The following TIGAR variants were observed in gnomAD, a reference collection of about 807,000 sequenced individuals.
The protein encoded by TIGAR is TP53 induced glycolysis regulatory phosphatase, also known as fructose-2,6-bisphosphatase TIGAR.
Under a neutral mutation model 17.9 loss-of-function variants are expected in TIGAR, and 7 were observed. The observed-to-expected ratio is 0.39, with a 90% CI of 0.22 to 0.73. The LOEUF is 0.73. Among genes scored for constraint, TIGAR ranks in the 30% least tolerant of loss-of-function variants. The pLI is 0.42. For missense variants in TIGAR, 258 were observed against 327.4 expected, an observed-to-expected ratio of 0.79 and a Z score of 1.64; for synonymous variants, 94 against 108.6, an observed-to-expected ratio of 0.87 and a Z score of 0.84.
chr12:4,333,449 C>T (rs1172581038), intron 2 of TIGAR, among the ~76,000 whole-genome samples: 1 of 151,602 alleles, frequency 6.6e-6, no homozygotes, highest in Non-Finnish European at 1.5e-5. Context: ...GGCACCACAC[C>T]TGGCTCATTT....
chr12:4,358,579 A>G lies in TIGAR; in HGVS notation c.*5888A>G, dbSNP rs1864938696. On this transcript the variant is annotated 3_prime_UTR_variant, in exon 6 of 6. Transcript: ENST00000179259. ...TCATACTCTTCCCCTATAAAATTTC[A>G]ATGTGTGTTTCCTGAGATCAACAAT... 6.6e-6 allele frequency among the ~76,000 whole-genome samples: 1 copy of G among 152,122 alleles called. No homozygotes were observed. Among genetic ancestry groups the G allele is most frequent in the African/African-American group, 2.4e-5 (1 of 41,398 alleles).
chr12:4,351,703 A>G (rs1864839861), intron 5 of TIGAR, among the ~76,000 whole-genome samples: 1 of 152,210 alleles, frequency 6.6e-6, no homozygotes, highest in Admixed American at 6.5e-5. Context: ...AACTCAAAAC[A>G]TGAAGTCTTC....
At chr12:4,331,201 A>T in intron 1 of TIGAR, 79 bp from the exon 2 acceptor site, 1 of 1,263,622 alleles carries the variant, frequency 7.9e-7, no homozygotes, top group Non-Finnish European at 1.2e-6. Context: ...GTATCACCAC[A>T]CTTGATTGCT....
Position 4,348,527 on chromosome 12 carries a change from A to T in TIGAR, c.193-1292A>T, listed in dbSNP as rs192800586. Among the ~76,000 whole-genome samples, 1,051 of 152,296 alleles carry T rather than the reference A, an allele frequency of 6.9e-3. 3 individuals carry two copies. Among genetic ancestry groups the T allele is most frequent in the Middle Eastern group, 0.014 (4 of 294 alleles). On this transcript the variant is annotated intron_variant, in intron 3 of 5. Coordinates refer to ENST00000179259, the MANE Select transcript of TIGAR (RefSeq NM_020375.3). ...AACCTAGAGTTTTATACCCAGCAAG[A>T]TTTTTTTCTGCTGTGTAGGTGAAAT...
At position 4,355,328 on chromosome 12, in the gene TIGAR, TCA is replaced by T. The variant is rs1432294132; in HGVS notation, c.*2641_*2642del. On this transcript the variant is annotated 3_prime_UTR_variant, in exon 6 of 6. Coordinates refer to ENST00000179259, the MANE Select transcript of TIGAR (RefSeq NM_020375.3). Reference sequence around the variant, plus strand: ...GGTTTGTGGTGTGTGCTCTCAGGCCTCACACCCCCTCATTTGCTAGAGTCTGT... The same window carrying T: ...GGTTTGTGGTGTGTGCTCTCAGGCCTCACCCCCTCATTTGCTAGAGTCTGT... Among the ~76,000 whole-genome samples, 1 of 152,194 alleles carries T rather than the reference TCA, an allele frequency of 6.6e-6. No individual in the cohort carries two copies. Among genetic ancestry groups the T allele is most frequent in the African/African-American group, 2.4e-5 (1 of 41,438 alleles).
At chr12:4,349,975 A>G in intron 4 of TIGAR, 79 bp downstream of exon 4, 1 of 974,972 alleles carries the variant, frequency 1.0e-6, no homozygotes, top group Non-Finnish European at 1.5e-6. Flanking sequence ...GCTAAAAGTT[A>G]AATGCATTTC....
chr12:4,329,429 C>T (rs1864581358), intron 1 of TIGAR, among the ~76,000 whole-genome samples: 1 of 148,022 alleles, frequency 6.8e-6, no homozygotes, highest in African/African-American at 2.5e-5. Context: ...ACCTCTGCCT[C>T]CCGGGTTTAA....
At chr12:4,341,300 G>A (rs377476147) in intron 3 of TIGAR, among the ~76,000 whole-genome samples, 5 of 152,238 alleles carry the variant, frequency 3.3e-5, no homozygotes, top group African/African-American at 4.8e-5. Flanking sequence ...CAAGATGGCC[G>A]ATTAGGAACA....
At chr12:4,332,537 C>T (rs554830816) in intron 2 of TIGAR, among the ~76,000 whole-genome samples, 2 of 152,308 alleles carry the variant, frequency 1.3e-5, no homozygotes, top group East Asian at 3.9e-4. Context: ...AGCCGCCGCA[C>T]GCGGCCTCAA....
In TIGAR at chr12:4,357,578, T is replaced by C. The variant is rs1025569105; in HGVS notation, c.*4887T>C. 6.6e-6 allele frequency among the ~76,000 whole-genome samples: 1 copy of C among 152,216 alleles called. No homozygotes were observed. Among genetic ancestry groups the C allele is most frequent in the Admixed American group, 6.5e-5 (1 of 15,280 alleles). ...ATTGAAGTATGTGTCAGTTCCTTTG[T>C]GTCCAAACAAGATGGCTAAGTAGGT... On this transcript the variant is annotated 3_prime_UTR_variant, in exon 6 of 6. Transcript: ENST00000179259.
rs546160632 is a variant in TIGAR, at chr12:4,327,424, A to G, written c.33-3856A>G. Among the ~76,000 whole-genome samples, 42 of 152,108 alleles carry G rather than the reference A, an allele frequency of 2.8e-4. No individual in the cohort carries two copies. In the South Asian group the frequency reaches 6.2e-3, roughly 23 times the overall value. ...ACCCCATCTCAGAAAAAAAAAAAAA[A>G]AAAGAAAGAAAGGATGTGACATATA... On this transcript the variant is annotated intron_variant, in intron 1 of 5. Coordinates refer to ENST00000179259, the MANE Select transcript of TIGAR (RefSeq NM_020375.3).
At chr12:4,344,736 A>G (rs943645452) in intron 3 of TIGAR, among the ~76,000 whole-genome samples, 4 of 152,204 alleles carry the variant, frequency 2.6e-5, no homozygotes, top group South Asian at 2.1e-4. Context: ...CACCACTCCT[A>G]TTCAACATAG....
chr12:4,329,633 G>A (rs1565446076), intron 1 of TIGAR, among the ~76,000 whole-genome samples: 1 of 152,048 alleles, frequency 6.6e-6, no homozygotes, highest in Non-Finnish European at 1.5e-5. Context: ...CACCACGTCT[G>A]GCCACAAATA....
chr12:4,331,725 T>A (rs147079767), intron 2 of TIGAR, among the ~76,000 whole-genome samples: 1 of 152,322 alleles, frequency 6.6e-6, no homozygotes, highest in East Asian at 1.9e-4. Flanking sequence ...GTAATAAAGG[T>A]TTAAAAAAAG....
chr12:4,333,159 T>G (rs1864621535), intron 2 of TIGAR, among the ~76,000 whole-genome samples: 1 of 152,214 alleles, frequency 6.6e-6, no homozygotes, highest in Admixed American at 6.5e-5. Flanking sequence ...TTGAGCTGTT[T>G]TGGGGATGGA....
intron 1 of TIGAR, among the ~76,000 whole-genome samples, chr12:4,326,375 T>C (rs879584722): frequency 2.6e-5 from 4 of 152,244 alleles, no homozygotes; most frequent in African/African-American, 4.8e-5. Context: ...AACGTACTAA[T>C]TAAACAGTTA....
intron 3 of TIGAR, among the ~76,000 whole-genome samples, chr12:4,347,673 C>T (rs1864795726): frequency 6.6e-6 from 1 of 152,026 alleles, no homozygotes; most frequent in Admixed American, 6.6e-5. Context: ...TAAATATATA[C>T]ATTTACTGTA....
chr12:4,356,502 G>C lies in TIGAR; in HGVS notation c.*3811G>C, dbSNP rs1314333499. On this transcript the variant is annotated 3_prime_UTR_variant, in exon 6 of 6. Coordinates refer to ENST00000179259, the MANE Select transcript of TIGAR (RefSeq NM_020375.3). ...CCATCTATCCCCTGCCCCTACACAC[G>C]CATTGCTTCTCCTACTATCAACATC... Among the ~76,000 whole-genome samples the C allele has an allele frequency of 6.6e-6, 1 of 152,006 alleles. No individual in the cohort carries two copies. Among genetic ancestry groups the C allele is most frequent in the African/African-American group, 2.4e-5 (1 of 41,388 alleles).
At chr12:4,347,326 A>G (rs1028112575) in intron 3 of TIGAR, among the ~76,000 whole-genome samples, 2 of 151,672 alleles carry the variant, frequency 1.3e-5, no homozygotes, top group Non-Finnish European at 2.9e-5. Flanking sequence ...GTTCTCACTT[A>G]TTTGTTGGAG....
Sources: allele counts gnomAD v4.1 joint callset (sites outside exome capture counted in the v4.1 genomes callset), GRCh38; gene constraint gnomAD v4.1.1; transcripts MANE v1.5; gene names NCBI Gene and HGNC (gene_info 2026-07-23, HGNC 2026-07-21).